The following KCNH8 variants were observed in gnomAD, a reference collection of about 807,000 sequenced individuals.
The protein encoded by KCNH8 is voltage-gated delayed rectifier potassium channel KCNH8.
A neutral mutation model predicts 103.6 loss-of-function variants in KCNH8; 70 were observed. The observed-to-expected ratio is 0.68, with a 90% confidence interval of 0.56 to 0.82. The LOEUF (loss-of-function observed/expected upper bound fraction) is 0.82, where lower values mean the gene tolerates loss of function less well. Among genes scored for constraint, KCNH8 ranks in the 40% least tolerant of loss-of-function variants. The pLI is 0.00. For missense variants in KCNH8, 1,217 were observed against 1,329.9 expected, an observed-to-expected ratio of 0.92 and a Z score of 1.32; for synonymous variants, 498 against 489.4, an observed-to-expected ratio of 1.02 and a Z score of -0.23.
chr3:19,391,797 T>C (rs1208787602), intron 6 of KCNH8: 3 of 151,994 alleles, frequency 2.0e-5, no homozygotes, highest in Admixed American at 6.6e-5. Flanking sequence ...ATTGAATTGT[T>C]ATCTAGGCTT....
intron 2 of KCNH8, among the ~76,000 whole-genome samples, chr3:19,258,956 TA>T: frequency 8.9e-6 from 1 of 112,810 alleles, no homozygotes; most frequent in Non-Finnish European, 1.8e-5. Context: ...TCTATATATA[TA>T]TATATATATA....
Position 19,330,269 on chromosome 3 carries a change from T to A in KCNH8, c.443-12318T>A, listed in dbSNP as rs145629303. Among the ~76,000 whole-genome samples, 52 of 152,310 alleles carry A rather than the reference T, an allele frequency of 3.4e-4. No individual in the cohort carries two copies. In the East Asian group the frequency reaches 8.3e-3, roughly 24 times the overall value. On this transcript the variant is annotated intron_variant, in intron 3 of 15. Coordinates refer to ENST00000328405, the MANE Select transcript of KCNH8 (RefSeq NM_144633.3). ...AGAGGCCAGTTTCTCTATTGATTTT[T>A]TCATTGTTCTTATTCTCCCTTATAA...
At chr3:19,374,438 C>CT (rs1329049831) in intron 5 of KCNH8, among the ~76,000 whole-genome samples, 3 of 151,680 alleles carry the variant, frequency 2.0e-5, no homozygotes, top group Non-Finnish European at 2.9e-5. Flanking sequence ...CAACCCCTGC[C>CT]TTTTTTTGTT....
intron 7 of KCNH8, among the ~76,000 whole-genome samples, chr3:19,396,964 C>G (rs1006183755): frequency 6.6e-6 from 1 of 151,908 alleles, no homozygotes; most frequent in African/African-American, 2.4e-5. Context: ...TTGTAAGTCT[C>G]GTCTGGTCTG....
intron 11 of KCNH8, among the ~76,000 whole-genome samples, chr3:19,498,951 G>GCTGC: frequency 6.6e-6 from 1 of 152,106 alleles, no homozygotes. Context: ...CAGATCTCCA[G>GCTGC]CTGCGTGCTG....
intron 3 of KCNH8, among the ~76,000 whole-genome samples, chr3:19,299,964 ATGGGC>A (rs2065044721): frequency 1.3e-5 from 2 of 152,116 alleles, no homozygotes; most frequent in Admixed American, 1.3e-4. Context: ...AAAAGAAAAT[ATGGGC>A]CAGGCATGGT....
chr3:19,453,375 A>G lies in KCNH8; in HGVS notation c.1825+1971A>G, dbSNP rs74476555. 5.5e-3 allele frequency among the ~76,000 whole-genome samples: 837 copies of G among 152,236 alleles called. 19 individuals carry two copies. In the East Asian group the frequency reaches 0.079, roughly 14 times the overall value. On this transcript the variant is annotated intron_variant, in intron 10 of 15. Coordinates refer to ENST00000328405, the MANE Select transcript of KCNH8 (RefSeq NM_144633.3). ...GCAAATTTTAAAAAACCATTATTCT[A>G]TATAATCATTGTAGGCCTTCTATCA...
At chr3:19,289,599 A>G (rs920095587) in intron 3 of KCNH8, among the ~76,000 whole-genome samples, 1 of 152,084 alleles carries the variant, frequency 6.6e-6, no homozygotes, top group Non-Finnish European at 1.5e-5. Flanking sequence ...CTGTTTTGGT[A>G]CCAGTACCAT....
chr3:19,506,967 G>C (rs185171905), intron 11 of KCNH8, among the ~76,000 whole-genome samples: 1 of 152,102 alleles, frequency 6.6e-6, no homozygotes, highest in East Asian at 1.9e-4. Flanking sequence ...TCCCCAGTCC[G>C]AGGGCAGCAA....
chr3:19,281,032 A>G (rs2064749778), intron 2 of KCNH8, among the ~76,000 whole-genome samples, 166 bp from the exon 3 acceptor site: 1 of 152,130 alleles, frequency 6.6e-6, no homozygotes, highest in Non-Finnish European at 1.5e-5. Context: ...AGAGATGTAT[A>G]TAGGATAGAA....
chr3:19,291,256 T>C (rs542271836), intron 3 of KCNH8, among the ~76,000 whole-genome samples: 175 of 152,350 alleles, frequency 1.1e-3, no homozygotes, highest in African/African-American at 3.9e-3. Flanking sequence ...AGTTCTACTC[T>C]GATCTTAGTT....
At chr3:19,529,096 T>C (rs113798988) in intron 15 of KCNH8, among the ~76,000 whole-genome samples, 2 of 152,204 alleles carry the variant, frequency 1.3e-5, no homozygotes, top group South Asian at 2.1e-4. Context: ...TCACTGTATC[T>C]GATGGTGTGC....
intron 11 of KCNH8, among the ~76,000 whole-genome samples, chr3:19,468,168 G>A (rs1559341713): frequency 6.6e-6 from 1 of 152,122 alleles, no homozygotes; most frequent in Admixed American, 6.6e-5. Context: ...CTCATGATTA[G>A]TTTCTCCTAC....
In KCNH8 at chr3:19,155,597, C is replaced by T. The variant is rs1323921860; in HGVS notation, c.76+6802C>T. Among the ~76,000 whole-genome samples, 3 of 152,324 alleles carry T rather than the reference C, an allele frequency of 2.0e-5. No homozygotes were observed. In the East Asian group the frequency reaches 5.8e-4, roughly 29 times the overall value. ...ATCATCTGACCCCAAGATGATTCTG[C>T]AGAATCTTTTCCAACCACTGTCTCC... On this transcript the variant is annotated intron_variant, in intron 1 of 15. Transcript: ENST00000328405.
intron 1 of KCNH8, among the ~76,000 whole-genome samples, chr3:19,160,516 C>G (rs2063223639): frequency 6.6e-6 from 1 of 152,064 alleles, no homozygotes; most frequent in African/African-American, 2.4e-5. Context: ...ATAGCAGCTA[C>G]TAATCTATTT....
intron 1 of KCNH8, among the ~76,000 whole-genome samples, chr3:19,183,115 A>T (rs895407212): frequency 6.6e-6 from 1 of 152,222 alleles, no homozygotes; most frequent in Non-Finnish European, 1.5e-5. Flanking sequence ...TTCCCATTAA[A>T]ATTTGGGACC....
In KCNH8 at chr3:19,371,678, C is replaced by T. The variant is rs1488231281; in HGVS notation, c.812-18803C>T. On this transcript the variant is annotated intron_variant, in intron 5 of 15. Coordinates refer to ENST00000328405, the MANE Select transcript of KCNH8 (RefSeq NM_144633.3). ...GCTTTTGGTGTTGTAGACATGAAGT[C>T]CTTGCCCATGCCTATGTCCTGAATG... Among the ~76,000 whole-genome samples the T allele has an allele frequency of 3.3e-5, 5 of 151,018 alleles. No homozygotes were observed. In the East Asian group the frequency reaches 7.8e-4, roughly 24 times the overall value.
At chr3:19,522,915 A>G (rs1440966893) in intron 15 of KCNH8, among the ~76,000 whole-genome samples, 1 of 151,858 alleles carries the variant, frequency 6.6e-6, no homozygotes, top group Non-Finnish European at 1.5e-5. Context: ...AAAGTATTTC[A>G]GTTTTACCCT....
chr3:19,281,570 G>C (rs1390451675), intron 3 of KCNH8, among the ~76,000 whole-genome samples: 1 of 152,012 alleles, frequency 6.6e-6, no homozygotes, highest in African/African-American at 2.4e-5. Context: ...ATGCTAATAT[G>C]AGGAGGATGA....
Sources: gnomAD v4.1 joint callset for allele counts (sites outside exome capture counted in the v4.1 genomes callset) on GRCh38, gnomAD v4.1.1 for gene constraint, MANE v1.5 for transcripts, NCBI Gene and HGNC (gene_info 2026-07-23, HGNC 2026-07-21) for gene names.